HS3ST4: variants seen among roughly 807,000 people sequenced by gnomAD.
HS3ST4 encodes heparan sulfate-glucosamine 3-sulfotransferase 4, also known as heparan sulfate glucosamine 3-O-sulfotransferase 4.
In HS3ST4, 17 loss-of-function variants were observed where a neutral mutation model predicts 29.2. The ratio of observed to expected loss-of-function variants is 0.58; its 90% CI spans 0.40 to 0.87. The LOEUF (loss-of-function observed/expected upper bound fraction) is 0.87, where lower values mean the gene tolerates loss of function less well. HS3ST4 is among the 40% of genes least tolerant of loss of function. The pLI is 0.00. For synonymous variants in HS3ST4, 314 were observed against 285.7 expected (o/e 1.10, Z -1.00); for missense variants, 627 against 634.5 (o/e 0.99, Z 0.13).
At chr16:25,778,399 C>G (rs1343150970) in intron 1 of HS3ST4, among the ~76,000 whole-genome samples, 2 of 152,174 alleles carry the variant, frequency 1.3e-5, no homozygotes, top group African/African-American at 4.8e-5. Flanking sequence ...CACATCCTTT[C>G]AGGCTTAGGT....
chr16:25,840,359 TC>T (rs574376895), intron 1 of HS3ST4, among the ~76,000 whole-genome samples: 239 of 152,326 alleles, frequency 1.6e-3, no homozygotes, highest in Middle Eastern at 3.4e-3. Context: ...ACTACTACAA[TC>T]CAGAAACCCA....
chr16:25,781,169 T>G (rs1036109303), intron 1 of HS3ST4, among the ~76,000 whole-genome samples: 6 of 152,176 alleles, frequency 3.9e-5, no homozygotes, highest in African/African-American at 1.4e-4. Context: ...GGATTGAAGC[T>G]GGGTCAAGAA....
chr16:26,087,350 C>T (rs1596676075), intron 1 of HS3ST4, among the ~76,000 whole-genome samples: 1 of 152,146 alleles, frequency 6.6e-6, no homozygotes, highest in East Asian at 1.9e-4. Flanking sequence ...TAATGAACCA[C>T]CTGCTCACGA....
chr16:25,923,784 G>A (rs4286111), intron 1 of HS3ST4, among the ~76,000 whole-genome samples: 45,880 of 151,940 alleles, frequency 0.3, 8,009 homozygotes, highest in African/African-American at 0.46. Context: ...GTTTTTTCCA[G>A]TAAGTCAATA....
At chr16:25,727,540 A>G (rs924699536) in intron 1 of HS3ST4, among the ~76,000 whole-genome samples, 1 of 152,234 alleles carries the variant, frequency 6.6e-6, no homozygotes, top group Admixed American at 6.5e-5. Flanking sequence ...ATTGTCTAAT[A>G]TTGATAGTGT....
At chr16:25,985,089 A>G (rs1490659004) in intron 1 of HS3ST4, among the ~76,000 whole-genome samples, 1 of 152,192 alleles carries the variant, frequency 6.6e-6, no homozygotes, top group Non-Finnish European at 1.5e-5. Context: ...CAGTTCACCA[A>G]TTACTAATTT....
At chr16:25,841,257 G>T (rs1266784486) in intron 1 of HS3ST4, among the ~76,000 whole-genome samples, 1 of 151,612 alleles carries the variant, frequency 6.6e-6, no homozygotes, top group Non-Finnish European at 1.5e-5. Flanking sequence ...CACCCTCCTC[G>T]GCCTCCCAAA....
intron 1 of HS3ST4, among the ~76,000 whole-genome samples, chr16:25,906,373 A>G (rs1048763713): frequency 1.3e-5 from 2 of 152,208 alleles, no homozygotes; most frequent in South Asian, 2.1e-4. Flanking sequence ...AGAATACAAA[A>G]TGAATAAGAA....
chr16:25,772,384 A>G (rs1486777513), intron 1 of HS3ST4, among the ~76,000 whole-genome samples: 1 of 152,208 alleles, frequency 6.6e-6, no homozygotes. Context: ...TTTGGAGTCA[A>G]CTATATTTGG....
intron 1 of HS3ST4, among the ~76,000 whole-genome samples, chr16:26,016,182 C>G (rs1227941009): frequency 1.3e-5 from 2 of 152,176 alleles, no homozygotes; most frequent in African/African-American, 4.8e-5. Flanking sequence ...TGTTTTGTTC[C>G]TGTAAACTAA....
At chr16:25,729,637 T>G (rs1966558115) in intron 1 of HS3ST4, among the ~76,000 whole-genome samples, 1 of 152,242 alleles carries the variant, frequency 6.6e-6, no homozygotes, top group Non-Finnish European at 1.5e-5. Context: ...ACTCATTTCC[T>G]TTCCCTTCTT....
chr16:25,774,223 T>TA (rs1247473887), intron 1 of HS3ST4, among the ~76,000 whole-genome samples: 1 of 152,222 alleles, frequency 6.6e-6, no homozygotes, highest in Non-Finnish European at 1.5e-5. Flanking sequence ...TAAATCAGGG[T>TA]AAACAGCCAC....
At chr16:25,942,417 G>C (rs1414102778) in intron 1 of HS3ST4, among the ~76,000 whole-genome samples, 1 of 152,118 alleles carries the variant, frequency 6.6e-6, no homozygotes, top group Non-Finnish European at 1.5e-5. Flanking sequence ...GACAGCCGTA[G>C]AGAGAAGGGT....
At position 26,062,229 on chromosome 16, in the gene HS3ST4, G is replaced by GA. The variant is rs1898484683; in HGVS notation, c.735-73380dup. On this transcript the variant is annotated intron_variant, in intron 1 of 1. Coordinates refer to ENST00000331351, the MANE Select transcript of HS3ST4 (RefSeq NM_006040.3). ...CTTCTTCCAACTCAGAGCATTTAGAGAAAGACACACTGGAGTCAGACAGAG... is the reference window on the plus strand; with the variant it reads ...CTTCTTCCAACTCAGAGCATTTAGAGAAAAGACACACTGGAGTCAGACAGAG... Among the ~76,000 whole-genome samples the GA allele has an allele frequency of 2.0e-5, 3 of 152,324 alleles. No homozygotes were observed. In the South Asian group the frequency reaches 6.2e-4, roughly 32 times the overall value.
At chr16:25,959,152 G>A (rs1444985570) in intron 1 of HS3ST4, among the ~76,000 whole-genome samples, 2 of 152,166 alleles carry the variant, frequency 1.3e-5, no homozygotes, top group African/African-American at 4.8e-5. Flanking sequence ...GTTATTTATT[G>A]AAGAGTGCCG....
chr16:25,822,285 A>G (rs971978001), intron 1 of HS3ST4, among the ~76,000 whole-genome samples: 28 of 152,096 alleles, frequency 1.8e-4, no homozygotes, highest in African/African-American at 6.0e-4. Flanking sequence ...TGCCTCACTC[A>G]AGAGGTCTCT....
rs539482494 is a variant in HS3ST4, at chr16:25,950,222, T to C, written c.735-185390T>C. Among the ~76,000 whole-genome samples, 13 of 152,262 alleles carry C rather than the reference T, an allele frequency of 8.5e-5. No homozygotes were observed. The South Asian group carries it at 2.5e-3, about 29-fold the overall frequency. ...CCAGTTAGATGACCCATCTGCTCAC[T>C]GGCCTTGAGTGGTCCTTTGGCCTGG... is the stretch of plus-strand genomic sequence containing the variant. On this transcript the variant is annotated intron_variant, in intron 1 of 1. Transcript: ENST00000331351.
intron 1 of HS3ST4, among the ~76,000 whole-genome samples, chr16:25,785,210 A>G (rs1004815560): frequency 2.2e-4 from 33 of 152,366 alleles, no homozygotes; most frequent in African/African-American, 6.5e-4. Flanking sequence ...AAGAGCACTG[A>G]TAAAAATGTA....
intron 1 of HS3ST4, among the ~76,000 whole-genome samples, chr16:25,862,020 G>A (rs555455421): frequency 1.3e-5 from 2 of 152,210 alleles, no homozygotes; most frequent in South Asian, 4.1e-4. Flanking sequence ...TCCATGGATG[G>A]AATGGGGTAG....
Sources: gnomAD v4.1 joint callset for allele counts (sites outside exome capture counted in the v4.1 genomes callset) on GRCh38, gnomAD v4.1.1 for gene constraint, MANE v1.5 for transcripts, NCBI Gene and HGNC (gene_info 2026-07-23, HGNC 2026-07-21) for gene names.